NOSTRIN: variants seen among roughly 807,000 people sequenced by gnomAD.
The protein encoded by NOSTRIN is BM247 homolog.
A neutral mutation model predicts 59.0 loss-of-function variants in NOSTRIN; 63 were observed. The observed-to-expected ratio is 1.07, with a 90% CI of 0.87 to 1.32. NOSTRIN has a LOEUF of 1.32. Among genes scored for constraint, NOSTRIN ranks in the 40% most tolerant of loss-of-function variants. The pLI is 0.00. For missense variants in NOSTRIN, 512 were observed against 473.1 expected (o/e 1.08, Z -0.76); for synonymous variants, 200 against 165.4 (o/e 1.21, Z -1.61).
intron 15 of NOSTRIN, chr2:168,863,713 A>G: frequency 1.3e-5 from 12 of 917,912 alleles, no homozygotes; most frequent in Non-Finnish European, 1.6e-5. Context: ...GGGATAATGC[A>G]GAGACATTGT....
intron 8 of NOSTRIN, among the ~76,000 whole-genome samples, chr2:168,845,513 G>A (rs1688360621): frequency 6.6e-6 from 1 of 152,126 alleles, no homozygotes; most frequent in South Asian, 2.1e-4. Flanking sequence ...TATATGTTAG[G>A]GAAGGCTATG....
intron 10 of NOSTRIN, 109 bp from the exon 11 acceptor site, chr2:168,855,243 T>C (rs1250766956): frequency 1.8e-6 from 1 of 540,744 alleles, no homozygotes; most frequent in Admixed American, 3.7e-5. Flanking sequence ...AATTTTGTTT[T>C]ATTTTATAAA....
rs1390425488 is a variant in NOSTRIN, at chr2:168,811,570, A to G, written c.31A>G (p.Asn11Asp). ...TGTTATTGTTCTTGTTTTTCAGTATAATAAAGTATACAAGAACCTAAAGGA... is the reference window on the plus strand; with the variant it reads ...TGTTATTGTTCTTGTTTTTCAGTATGATAAAGTATACAAGAACCTAAAGGA... The part of the protein sequence containing the change: MRDPLTDCPY[N>D]KVYKNLKEFS... The change falls in exon 2 of 16, where the codon AAT (asparagine) becomes GAT (aspartate). Residue 11 changes from asparagine to aspartate, a missense_variant. Coordinates refer to ENST00000317647, the MANE Select transcript of NOSTRIN (RefSeq NM_001039724.4). 1.2e-6 allele frequency: 1 copy of G among 843,366 alleles called. No homozygotes were observed. Among genetic ancestry groups the G allele is most frequent in the Non-Finnish European group, 2.0e-6 (1 of 489,184 alleles). The allele number at this position is 843,366 out of a possible 1,614,324, so 52.2% of individuals were successfully genotyped here. A position where few individuals can be genotyped will look rare whatever the true frequency, so the allele number is the denominator to read the frequency against.
At chr2:168,826,491 T>G (rs759617707) in intron 3 of NOSTRIN, among the ~76,000 whole-genome samples, 77 of 152,240 alleles carry the variant, frequency 5.1e-4, no homozygotes, top group Non-Finnish European at 4.3e-4. Flanking sequence ...CTCTTTCCAT[T>G]TTTACCCTGT....
At chr2:168,840,061 A>G (rs1040386359) in intron 7 of NOSTRIN, among the ~76,000 whole-genome samples, 1 of 151,860 alleles carries the variant, frequency 6.6e-6, no homozygotes, top group Non-Finnish European at 1.5e-5. Context: ...TGATCTCAAA[A>G]GCAACTCAGT....
chr2:168,804,857 T>G (rs1488165924), intron 1 of NOSTRIN, among the ~76,000 whole-genome samples: 1 of 152,228 alleles, frequency 6.6e-6, no homozygotes, highest in African/African-American at 2.4e-5. Flanking sequence ...ATTAGTCATA[T>G]CTGTATAGTG....
chr2:168,845,129 G>A (rs59512579), intron 8 of NOSTRIN, among the ~76,000 whole-genome samples: 3,549 of 152,210 alleles, frequency 0.023, 110 homozygotes, highest in African/African-American at 0.073. Context: ...ATAAGCTCCG[G>A]GTACTCTCTT....
intron 11 of NOSTRIN, chr2:168,856,367 G>T (rs987335483): frequency 6.6e-6 from 2 of 300,840 alleles, no homozygotes; most frequent in Admixed American, 4.7e-5. Flanking sequence ...ACAAGGTCAG[G>T]CGCTGGAGAC....
upstream of NOSTRIN, among the ~76,000 whole-genome samples, chr2:168,797,079 C>CTTTTTTTTTTTTTTTT (rs775176252): frequency 6.4e-4 from 48 of 75,030 alleles, 1 homozygote; most frequent in African/African-American, 1.2e-3. Context: ...TTTCTTTTTT[C>CTTTTTTTTTTTTTTTT]TTTTTTTTTT....
At position 168,862,118 on chromosome 2, in the gene NOSTRIN, T is replaced by G. The variant is rs139967057; in HGVS notation, c.1384+69T>G. 1.5e-4 allele frequency: 203 copies of G among 1,398,766 alleles called. 1 individual carries two copies. In the East Asian group the frequency reaches 4.4e-3, roughly 30 times the overall value. 86.6% of individuals were successfully genotyped at this position (1,398,766 alleles called of 1,614,324 possible). ...GATTCTTAGCATGAATAAAACCCTG[T>G]CTTAGTGTGGCAGCCTTAAGAGTTA... On this transcript the variant is annotated intron_variant, in intron 15 of 15. Transcript: ENST00000317647.
chr2:168,815,443 C>G lies in NOSTRIN; in HGVS notation c.113+3791C>G, dbSNP rs370236806. Among the ~76,000 whole-genome samples, 73 of 152,248 alleles carry G rather than the reference C, an allele frequency of 4.8e-4. No individual in the cohort carries two copies. The South Asian group carries it at 0.015, about 32-fold the overall frequency. On this transcript the variant is annotated intron_variant, in intron 2 of 15. Transcript: ENST00000317647. Reference sequence around the variant, plus strand: ...TGTTTGGCTTCCTGCATCCTCAGAGCTAATGTTTAAACAGGCTTTGACTGG... The same window carrying G: ...TGTTTGGCTTCCTGCATCCTCAGAGGTAATGTTTAAACAGGCTTTGACTGG...
chr2:168,862,099 T>C, intron 15 of NOSTRIN, 50 bp downstream of exon 15: 1 of 1,518,052 alleles, frequency 6.6e-7, no homozygotes, highest in Non-Finnish European at 9.1e-7. Flanking sequence ...TTGAGATTCT[T>C]AGCATGAATA....
At chr2:168,797,079 CTTT>C (rs775176252), upstream of NOSTRIN, among the ~76,000 whole-genome samples, 370 of 75,006 alleles carry the variant, frequency 4.9e-3, 5 homozygotes, top group African/African-American at 0.016. Context: ...TTTCTTTTTT[CTTT>C]TTTTTTTTTT....
intron 6 of NOSTRIN, among the ~76,000 whole-genome samples, chr2:168,833,704 T>G (rs1333386438): frequency 6.6e-6 from 1 of 152,222 alleles, no homozygotes; most frequent in Non-Finnish European, 1.5e-5. Flanking sequence ...CTCCAGCAAG[T>G]GCAGGGCATT....
At chr2:168,856,810 T>C (rs1689153533) in intron 12 of NOSTRIN, 32 bp downstream of exon 12, 1 of 1,593,696 alleles carries the variant, frequency 6.3e-7, no homozygotes, top group Non-Finnish European at 8.6e-7. Context: ...TTCCTAGATG[T>C]AGTGATGAAA....
intron 14 of NOSTRIN, among the ~76,000 whole-genome samples, chr2:168,861,181 A>G (rs1689423847): frequency 6.6e-6 from 1 of 152,190 alleles, no homozygotes; most frequent in South Asian, 2.1e-4. Flanking sequence ...GTTATTTGCC[A>G]TAAACATAAT....
chr2:168,798,568 A>G (rs188102820), upstream of NOSTRIN, among the ~76,000 whole-genome samples: 1 of 152,318 alleles, frequency 6.6e-6, no homozygotes, highest in Non-Finnish European at 1.5e-5. Flanking sequence ...AGGCCATACC[A>G]GGAAGGCACA....
intron 1 of NOSTRIN, among the ~76,000 whole-genome samples, chr2:168,808,298 G>A (rs1685967424): frequency 6.6e-6 from 1 of 152,186 alleles, no homozygotes; most frequent in South Asian, 2.1e-4. Context: ...ACTATCCTGT[G>A]GTGATGGTGG....
chr2:168,856,465 C>T (rs1689118546), intron 11 of NOSTRIN: 3 of 524,334 alleles, frequency 5.7e-6, no homozygotes, highest in East Asian at 6.8e-5. Flanking sequence ...ATCCCAGCTA[C>T]TCAAGAGGCT....
Sources: gnomAD v4.1 joint callset for allele counts (sites outside exome capture counted in the v4.1 genomes callset) on GRCh38, gnomAD v4.1.1 for gene constraint, MANE v1.5 for transcripts, NCBI Gene and HGNC (gene_info 2026-07-23, HGNC 2026-07-21) for gene names.